The following FBXO42 variants were observed in gnomAD, a reference collection of about 807,000 sequenced individuals.
FBXO42 encodes the protein F-box protein 42.
A neutral mutation model predicts 71.7 loss-of-function variants in FBXO42; 12 were observed. The observed-to-expected ratio is 0.17, with a 90% CI of 0.11 to 0.27. FBXO42 has a LOEUF of 0.27. Among genes scored for constraint, FBXO42 ranks in the 10% least tolerant of loss-of-function variants. The pLI, the probability that FBXO42 is intolerant of heterozygous loss-of-function variation, is 1.00. For missense variants in FBXO42, 707 were observed against 911.9 expected (o/e 0.78, Z 2.89); for synonymous variants, 325 against 327.5 (o/e 0.99, Z 0.08).
intron 2 of FBXO42, among the ~76,000 whole-genome samples, chr1:16,310,396 TG>T (rs2082301389): frequency 6.6e-6 from 1 of 150,440 alleles, no homozygotes; most frequent in South Asian, 2.1e-4. Flanking sequence ...CTGGGTATGG[TG>T]GCATGTGCTT....
intron 4 of FBXO42, among the ~76,000 whole-genome samples, chr1:16,260,296 C>A (rs2081697361): frequency 1.3e-5 from 2 of 151,312 alleles, no homozygotes; most frequent in African/African-American, 2.4e-5. Context: ...GCAACCTCTG[C>A]CTCCCAGGTT....
intron 1 of FBXO42, among the ~76,000 whole-genome samples, chr1:16,315,816 G>A (rs1172687384): frequency 6.6e-6 from 1 of 152,112 alleles, no homozygotes; most frequent in Admixed American, 6.6e-5. Context: ...AAATTTTGAA[G>A]GAAAAACTAA....
rs539401984 is a variant in FBXO42 at position 16,306,731 on chromosome 1, G to A, written c.251-812C>T. 7.9e-5 allele frequency among the ~76,000 whole-genome samples: 12 copies of A among 152,020 alleles called. 1 individual carries two copies. The South Asian group carries it at 1.7e-3, about 21-fold the overall frequency. ...TATTTTTTTCTTTAGACAGGGTCTC[G>A]CTCTGCTACCCAGGCTGCAGTGGCA... On this transcript the variant is annotated intron_variant, in intron 2 of 9. Transcript: ENST00000375592.
intron 2 of FBXO42, among the ~76,000 whole-genome samples, chr1:16,308,245 T>C (rs1231905307): frequency 6.6e-6 from 1 of 151,990 alleles, no homozygotes. Flanking sequence ...CCTCTCAAAG[T>C]GTTGGAATTA....
chr1:16,328,320 A>G (rs921867994), intron 1 of FBXO42, among the ~76,000 whole-genome samples: 2 of 152,216 alleles, frequency 1.3e-5, no homozygotes, highest in African/African-American at 2.4e-5. Context: ...CATCTATAAA[A>G]CTAAAGGCAA....
rs551969114 is a variant in FBXO42 at position 16,303,401 on chromosome 1, T to G, written c.367+2402A>C. 2.0e-5 allele frequency among the ~76,000 whole-genome samples: 3 copies of G among 152,300 alleles called. No individual in the cohort carries two copies. The East Asian group carries it at 5.8e-4, about 29-fold the overall frequency. On this transcript the variant is annotated intron_variant, in intron 3 of 9. Coordinates refer to ENST00000375592, the MANE Select transcript of FBXO42 (RefSeq NM_018994.3). ...TGCACATCCCTGCCCCTTGCCTACTTCATGTTTATACTGCTTTTCAGTGAT... is the reference window on the plus strand; with the variant it reads ...TGCACATCCCTGCCCCTTGCCTACTGCATGTTTATACTGCTTTTCAGTGAT...
rs2081569371 is a variant in FBXO42 at position 16,249,502 on chromosome 1, T to C, written c.*1168A>G. Reference sequence around the variant, plus strand: ...TTTCTAAAAAGAACTGTTATTGGAATTCCCTTCCAGAATCAATTTCCACAT... The same window carrying C: ...TTTCTAAAAAGAACTGTTATTGGAACTCCCTTCCAGAATCAATTTCCACAT... On this transcript the variant is annotated 3_prime_UTR_variant, in exon 10 of 10. Transcript: ENST00000375592. 2 of 152,370 alleles carry C rather than the reference T, an allele frequency of 1.3e-5. No individual in the cohort carries two copies. Among genetic ancestry groups the C allele is most frequent in the Admixed American group, 1.3e-4 (2 of 15,312 alleles). The allele number at this position is 152,370 out of a possible 1,614,324, so 9.4% of individuals were successfully genotyped here.
intron 1 of FBXO42, among the ~76,000 whole-genome samples, chr1:16,324,425 T>C (rs1300913611): frequency 2.0e-5 from 3 of 152,146 alleles, no homozygotes; most frequent in African/African-American, 7.2e-5. Flanking sequence ...AAATGACCTA[T>C]GAGACAAAAC....
chr1:16,294,042 G>C (rs143546967), intron 4 of FBXO42: 61 of 152,302 alleles, frequency 4.0e-4, no homozygotes, highest in African/African-American at 1.5e-3. Context: ...CTAAGACTGA[G>C]TCCTAATACT....
At chr1:16,323,886 C>A (rs919640326) in intron 1 of FBXO42, among the ~76,000 whole-genome samples, 1 of 151,280 alleles carries the variant, frequency 6.6e-6, no homozygotes, top group Non-Finnish European at 1.5e-5. Flanking sequence ...AATGGAGGAA[C>A]CCACAGTCAT....
At chr1:16,281,593 T>G (rs149884070) in intron 4 of FBXO42, among the ~76,000 whole-genome samples, 127 of 151,832 alleles carry the variant, frequency 8.4e-4, no homozygotes, top group Non-Finnish European at 1.5e-4. Flanking sequence ...CTCGGACTCT[T>G]GAGTAGCTTG....
chr1:16,251,844 G>A lies in FBXO42; in HGVS notation c.1039-59C>T. ...TATGATTCTGATTGTTCATTCAACT[G>A]TCAAACATTTTATCATGAGCATCTG... is the stretch of plus-strand genomic sequence containing the variant. On this transcript the variant is annotated intron_variant, in intron 9 of 9. Coordinates refer to ENST00000375592, the MANE Select transcript of FBXO42 (RefSeq NM_018994.3). This position sits in a 1 kb window ranked among gnomAD's most constrained non-coding sequence, Gnocchi z 4.5. The A allele has an allele frequency of 6.5e-7, 1 of 1,538,784 alleles. No homozygotes were observed. The highest frequency in any genetic ancestry group is 8.8e-7 in the Non-Finnish European group (1 of 1,141,318).
chr1:16,306,686 T>C (rs762333802), intron 2 of FBXO42, among the ~76,000 whole-genome samples: 1 of 151,968 alleles, frequency 6.6e-6, no homozygotes. Context: ...TAGTTTACAA[T>C]TGATTATGTT....
chr1:16,279,854 C>CTTTTCTTT lies in FBXO42; in HGVS notation c.502+14928_502+14929insAAAGAAAA, dbSNP rs144698838. ...TCATGTTGACAATGGTTTTTTTTTTCTTTTTTTTTTGAGACAGAGTCTTGC... is the reference window on the plus strand; with the variant it reads ...TCATGTTGACAATGGTTTTTTTTTTCTTTTCTTTTTTTTTTTTTGAGACAGAGTCTTGC... On this transcript the variant is annotated intron_variant, in intron 4 of 9. Coordinates refer to ENST00000375592, the MANE Select transcript of FBXO42 (RefSeq NM_018994.3). Among the ~76,000 whole-genome samples the CTTTTCTTT allele has an allele frequency of 6.5e-5, 9 of 138,156 alleles. 1 individual carries two copies. The highest frequency in any genetic ancestry group is 9.2e-5 in the Non-Finnish European group (6 of 65,406). The allele number at this position is 138,156 out of a possible 152,430, so 90.6% of individuals were successfully genotyped here.
At position 16,251,678 on chromosome 1, in the gene FBXO42, G is replaced by A. The variant is rs534746714; in HGVS notation, c.1146C>T (p.Leu382=). 9.9e-6 allele frequency: 16 copies of A among 1,614,216 alleles called. No individual in the cohort carries two copies. The highest frequency in any genetic ancestry group is 8.3e-5 in the Admixed American group (5 of 60,026). Residue 382 remains leucine, a synonymous_variant, in exon 10 of 10, where the codon CTC becomes CTT. Coordinates refer to ENST00000375592, the MANE Select transcript of FBXO42 (RefSeq NM_018994.3). The surrounding 1 kb of genome is among the most constrained non-coding windows in gnomAD (Gnocchi z 4.5). ...AGCGGTACTCTCGGGTTTCAGGAAC[G>A]AGAGCTGGAGGAGTGGCACTGATAG... is the stretch of plus-strand genomic sequence containing the variant. ...PSPISATPPA[L]VPETREYRSQ...
intron 1 of FBXO42, among the ~76,000 whole-genome samples, chr1:16,319,700 C>T (rs1043514455): frequency 5.9e-5 from 9 of 151,808 alleles, no homozygotes; most frequent in African/African-American, 1.9e-4. Context: ...ATCACGAGCT[C>T]GGGAGTTCGA....
chr1:16,341,339 T>C lies in FBXO42; in HGVS notation c.-18+10916A>G, dbSNP rs2082602526. Among the ~76,000 whole-genome samples, 5 of 152,292 alleles carry C rather than the reference T, an allele frequency of 3.3e-5. No individual in the cohort carries two copies. In the South Asian group the frequency reaches 1.0e-3, roughly 32 times the overall value. On this transcript the variant is annotated intron_variant, in intron 1 of 9. Coordinates refer to ENST00000375592, the MANE Select transcript of FBXO42 (RefSeq NM_018994.3). ...GTAGTAGGCTGGAAGCCGTGGCTCATGCCTGTAATCCCAACACTTTGGGAG... is the reference window on the plus strand; with the variant it reads ...GTAGTAGGCTGGAAGCCGTGGCTCACGCCTGTAATCCCAACACTTTGGGAG...
intron 1 of FBXO42, among the ~76,000 whole-genome samples, chr1:16,350,116 C>T (rs911062054): frequency 1.6e-4 from 25 of 152,016 alleles, no homozygotes; most frequent in Non-Finnish European, 3.5e-4. Flanking sequence ...AAGAAGCATC[C>T]TAAGCTATTT....
chr1:16,287,395 T>C (rs1255473313), intron 4 of FBXO42, among the ~76,000 whole-genome samples: 2 of 152,200 alleles, frequency 1.3e-5, no homozygotes, highest in East Asian at 1.9e-4. Context: ...CATACTGTTA[T>C]ATATTTGTCA....
Sources: gnomAD v4.1 joint callset for allele counts (sites outside exome capture counted in the v4.1 genomes callset) on GRCh38, gnomAD v4.1.1 for gene constraint, Gnocchi (gnomAD v3.1) non-coding constraint, MANE v1.5 for transcripts, NCBI Gene and HGNC (gene_info 2026-07-23, HGNC 2026-07-21) for gene names.